The following ZNF804A variants were observed in gnomAD, a reference collection of about 807,000 sequenced individuals.
ZNF804A encodes the protein zinc finger protein 804A.
Under a neutral mutation model 16.5 loss-of-function variants are expected in ZNF804A, and 2 were observed. The ratio of observed to expected loss-of-function variants is 0.12; its 90% confidence interval spans 0.05 to 0.38. The LOEUF is 0.38. ZNF804A is among the 10% of genes least tolerant of loss of function. The probability of loss-of-function intolerance (pLI) is 0.99; values close to 1 mark genes in which losing one functional copy is unlikely to be tolerated. For missense variants in ZNF804A, 1,473 were observed against 1,390.7 expected, an observed-to-expected ratio of 1.06 and a Z score of -0.94; for synonymous variants, 534 against 489.6, an observed-to-expected ratio of 1.09 and a Z score of -1.20.
At chr2:184,784,753 T>A (rs1205550506) in intron 1 of ZNF804A, among the ~76,000 whole-genome samples, 2 of 152,058 alleles carry the variant, frequency 1.3e-5, no homozygotes, top group Non-Finnish European at 2.9e-5. Context: ...AATGTTGAAC[T>A]TATTTCACTT....
chr2:184,873,747 A>G (rs990818794), intron 2 of ZNF804A, among the ~76,000 whole-genome samples: 2 of 152,174 alleles, frequency 1.3e-5, no homozygotes, highest in African/African-American at 4.8e-5. Context: ...AAAAGGAAAC[A>G]CTAAAGGCTT....
chr2:184,834,439 G>C (rs1327110908), intron 1 of ZNF804A, among the ~76,000 whole-genome samples: 3 of 151,992 alleles, frequency 2.0e-5, no homozygotes, highest in Non-Finnish European at 2.9e-5. Context: ...TGAAAATCTG[G>C]GAGCTAGATG....
chr2:184,717,811 ATTTG>A, intron 1 of ZNF804A, among the ~76,000 whole-genome samples: 1 of 152,224 alleles, frequency 6.6e-6, no homozygotes, highest in South Asian at 2.1e-4. Flanking sequence ...TATCATTTCT[ATTTG>A]TTTTTAACGT....
intron 1 of ZNF804A, among the ~76,000 whole-genome samples, chr2:184,732,911 C>T (rs574839499): frequency 6.6e-6 from 1 of 152,046 alleles, no homozygotes; most frequent in Non-Finnish European, 1.5e-5. Flanking sequence ...CTATTAGTCC[C>T]AGGTCTGTTG....
intron 1 of ZNF804A, among the ~76,000 whole-genome samples, chr2:184,635,148 T>A (rs1406364949): frequency 6.6e-6 from 1 of 152,178 alleles, no homozygotes; most frequent in African/African-American, 2.4e-5. Context: ...TAATTCATAC[T>A]CTTATTTAAT....
chr2:184,814,933 A>G (rs1285241944), intron 1 of ZNF804A, among the ~76,000 whole-genome samples: 2 of 152,056 alleles, frequency 1.3e-5, no homozygotes, highest in African/African-American at 4.8e-5. Context: ...GCCCTTGTCT[A>G]CATCACATTG....
Position 184,937,146 on chromosome 2 carries a change from G to C in ZNF804A, c.1750G>C (p.Glu584Gln). 3 of 1,604,660 alleles carry C rather than the reference G, an allele frequency of 1.9e-6. No individual in the cohort carries two copies. Among genetic ancestry groups the C allele is most frequent in the Middle Eastern group, 3.3e-4 (2 of 5,974 alleles). ...AAAATACAACAAAATAAGGTTGAAA[G>C]AGACCCATGAATACTGGTTCCATAA... ...DEKYNKIRLK[E>Q]THEYWFHKSR... The change falls in exon 4 of 4, where the codon GAG becomes CAG. Residue 584 changes from glutamate to glutamine, a missense_variant. Transcript: ENST00000302277.
At chr2:184,599,504 G>A (rs1691012506) in intron 1 of ZNF804A, among the ~76,000 whole-genome samples, 1 of 152,300 alleles carries the variant, frequency 6.6e-6, no homozygotes, top group Middle Eastern at 3.4e-3. Context: ...GGAAGTGGCG[G>A]GATTGAGTGA....
intron 1 of ZNF804A, among the ~76,000 whole-genome samples, chr2:184,747,667 T>G (rs2105756392): frequency 6.6e-6 from 1 of 151,340 alleles, no homozygotes; most frequent in Admixed American, 6.6e-5. Flanking sequence ...TTTAAAATAT[T>G]TTCAATTTTA....
chr2:184,811,014 C>T (rs891490348), intron 1 of ZNF804A, among the ~76,000 whole-genome samples: 11 of 152,050 alleles, frequency 7.2e-5, no homozygotes, highest in African/African-American at 2.7e-4. Context: ...CAGACTCTTT[C>T]AAAGTGAGAG....
chr2:184,768,957 A>G (rs934056857), intron 1 of ZNF804A, among the ~76,000 whole-genome samples: 1 of 152,142 alleles, frequency 6.6e-6, no homozygotes, highest in African/African-American at 2.4e-5. Flanking sequence ...TAACTACAAA[A>G]GAATCAGATC....
At chr2:184,865,518 G>T (rs1378673380) in intron 1 of ZNF804A, among the ~76,000 whole-genome samples, 2 of 152,076 alleles carry the variant, frequency 1.3e-5, no homozygotes, top group South Asian at 4.2e-4. Context: ...AGGCTCTTTT[G>T]CCATTATTTG....
intron 2 of ZNF804A, among the ~76,000 whole-genome samples, chr2:184,901,945 A>T (rs1029852723): frequency 6.6e-6 from 1 of 152,046 alleles, no homozygotes; most frequent in Non-Finnish European, 1.5e-5. Flanking sequence ...ACATATTTTA[A>T]CTTTTTTAAA....
At chr2:184,703,907 T>C (rs1404457318) in intron 1 of ZNF804A, among the ~76,000 whole-genome samples, 1 of 152,016 alleles carries the variant, frequency 6.6e-6, no homozygotes, top group Non-Finnish European at 1.5e-5. Context: ...TAATTAAAAC[T>C]AGAAGTTCAA....
chr2:184,724,206 CTG>C (rs1693365581), intron 1 of ZNF804A, among the ~76,000 whole-genome samples: 2 of 151,628 alleles, frequency 1.3e-5, no homozygotes. Flanking sequence ...CATTAATAAA[CTG>C]TGCATAAATT....
chr2:184,660,925 A>G (rs1483082807), intron 1 of ZNF804A, among the ~76,000 whole-genome samples: 1 of 152,246 alleles, frequency 6.6e-6, no homozygotes, highest in Non-Finnish European at 1.5e-5. Context: ...TATTCTCATT[A>G]ATATTGAGTA....
At chr2:184,640,926 C>T (rs1559114892) in intron 1 of ZNF804A, among the ~76,000 whole-genome samples, 1 of 152,030 alleles carries the variant, frequency 6.6e-6, no homozygotes, top group East Asian at 1.9e-4. Flanking sequence ...CAACAATGCC[C>T]AATCTTTCCA....
chr2:184,650,071 A>G (rs990155774), intron 1 of ZNF804A, among the ~76,000 whole-genome samples: 2 of 152,062 alleles, frequency 1.3e-5, no homozygotes, highest in African/African-American at 2.4e-5. Context: ...AGAAAATACT[A>G]GCACCCAAAT....
chr2:184,875,608 T>A (rs1173039133), intron 2 of ZNF804A, among the ~76,000 whole-genome samples: 2 of 152,078 alleles, frequency 1.3e-5, no homozygotes, highest in Non-Finnish European at 2.9e-5. Flanking sequence ...TGATATTTCT[T>A]TATAGCAACA....
Sources: gnomAD v4.1 joint callset for allele counts (sites outside exome capture counted in the v4.1 genomes callset) on GRCh38, gnomAD v4.1.1 for gene constraint, MANE v1.5 for transcripts, NCBI Gene and HGNC (gene_info 2026-07-23, HGNC 2026-07-21) for gene names.